Variants in RBFOX1 observed in about 807,000 individuals in gnomAD.
The protein encoded by RBFOX1 is RNA binding protein fox-1 homolog 1.
A neutral mutation model predicts 57.7 loss-of-function variants in RBFOX1; 8 were observed. The observed-to-expected ratio is 0.14, with a 90% CI of 0.08 to 0.25. The LOEUF (loss-of-function observed/expected upper bound fraction) is 0.25, where lower values mean the gene tolerates loss of function less well. Ranked by LOEUF, RBFOX1 falls within the 10% of genes least tolerant of loss-of-function variation. The probability of loss-of-function intolerance (pLI) is 1.00; values close to 1 mark genes in which losing one functional copy is unlikely to be tolerated. For synonymous variants in RBFOX1, 326 were observed against 222.4 expected (o/e 1.47, Z -4.15); for missense variants, 611 against 548.5 (o/e 1.11, Z -1.14).
At chr16:5,719,444 T>TC (rs2151529539) in intron 3 of RBFOX1, among the ~76,000 whole-genome samples, 1 of 151,644 alleles carries the variant, frequency 6.6e-6, no homozygotes, top group African/African-American at 2.4e-5. Context: ...TCTCCTGAGC[T>TC]CGCGATCCGC....
chr16:6,597,403 G>A (rs147336012), intron 2 of RBFOX1, among the ~76,000 whole-genome samples: 3 of 152,130 alleles, frequency 2.0e-5, no homozygotes, highest in Non-Finnish European at 2.9e-5. Flanking sequence ...ACCAGGCGCG[G>A]TGGCTCACAC....
At chr16:5,891,088 C>T (rs186182767) in intron 4 of RBFOX1, among the ~76,000 whole-genome samples, 50 of 152,270 alleles carry the variant, frequency 3.3e-4, no homozygotes, top group African/African-American at 1.1e-3. Context: ...ACTTGTCAAC[C>T]GTAACTGTTA....
At chr16:6,027,290 C>G (rs2095214644) in intron 1 of RBFOX1, among the ~76,000 whole-genome samples, 1 of 152,112 alleles carries the variant, frequency 6.6e-6, no homozygotes, top group African/African-American at 2.4e-5. Flanking sequence ...GGAACTGAGG[C>G]CCAGTGACTA....
chr16:7,051,055 C>A (rs1349160396), intron 3 of RBFOX1, among the ~76,000 whole-genome samples: 2 of 151,922 alleles, frequency 1.3e-5, no homozygotes, highest in Non-Finnish European at 2.9e-5. Flanking sequence ...CCTTCATATC[C>A]CTTAGTAAAA....
At chr16:5,867,638 C>T (rs544829340) in intron 4 of RBFOX1, among the ~76,000 whole-genome samples, 1 of 152,124 alleles carries the variant, frequency 6.6e-6, no homozygotes, top group Non-Finnish European at 1.5e-5. Flanking sequence ...CCAATGAGAC[C>T]TCCACTGTCT....
At chr16:6,669,378 C>T (rs2098750730) in intron 3 of RBFOX1, among the ~76,000 whole-genome samples, 1 of 152,238 alleles carries the variant, frequency 6.6e-6, no homozygotes, top group Non-Finnish European at 1.5e-5. Flanking sequence ...TTTATTTTTG[C>T]ATAAAGCCAT....
chr16:5,719,017 G>A (rs1283735404), intron 3 of RBFOX1, among the ~76,000 whole-genome samples: 1 of 151,706 alleles, frequency 6.6e-6, no homozygotes, highest in East Asian at 1.9e-4. Flanking sequence ...ATTTCTGTAA[G>A]GATTGACTGA....
intron 4 of RBFOX1, among the ~76,000 whole-genome samples, chr16:7,310,184 C>T (rs1401612180): frequency 1.3e-5 from 2 of 152,150 alleles, no homozygotes; most frequent in African/African-American, 2.4e-5. Flanking sequence ...GCAATGGACC[C>T]GCAGGCCGCC....
chr16:6,989,703 G>A (rs2091077374), intron 3 of RBFOX1, among the ~76,000 whole-genome samples: 1 of 152,034 alleles, frequency 6.6e-6, no homozygotes, highest in South Asian at 2.1e-4. Flanking sequence ...TGAAGAAATA[G>A]AAGTCCCTAA....
intron 3 of RBFOX1, among the ~76,000 whole-genome samples, chr16:6,720,020 G>T (rs2065658751): frequency 6.6e-6 from 1 of 151,938 alleles, no homozygotes; most frequent in Non-Finnish European, 1.5e-5. Flanking sequence ...CTTGAACCTG[G>T]GAGGCAGAGG....
chr16:6,852,895 A>C (rs759870671), intron 3 of RBFOX1, among the ~76,000 whole-genome samples: 1 of 152,068 alleles, frequency 6.6e-6, no homozygotes, highest in Non-Finnish European at 1.5e-5. Flanking sequence ...CTAGCTGTCC[A>C]CACAAGGTGC....
At chr16:6,608,319 T>C (rs941187655) in intron 2 of RBFOX1, among the ~76,000 whole-genome samples, 1 of 152,242 alleles carries the variant, frequency 6.6e-6, no homozygotes, top group Non-Finnish European at 1.5e-5. Context: ...GAAAAGCCTA[T>C]CTTTTGAGCC....
chr16:7,655,717 T>G (rs2066140830), intron 12 of RBFOX1, among the ~76,000 whole-genome samples: 4 of 152,026 alleles, frequency 2.6e-5, no homozygotes, highest in African/African-American at 9.7e-5. Flanking sequence ...CCACATTCGT[T>G]TGAAAATTGT....
At chr16:5,931,594 C>T (rs1390654242) in intron 4 of RBFOX1, among the ~76,000 whole-genome samples, 5 of 152,098 alleles carry the variant, frequency 3.3e-5, no homozygotes. Flanking sequence ...TCTGAAAAGA[C>T]GTTACAGACC....
At chr16:6,744,050 A>G (rs1603499820) in intron 3 of RBFOX1, among the ~76,000 whole-genome samples, 1 of 152,102 alleles carries the variant, frequency 6.6e-6, no homozygotes, top group Non-Finnish European at 1.5e-5. Context: ...TAATAAAGAT[A>G]CAGAATGTGA....
chr16:6,370,877 G>C (rs1314314377), intron 2 of RBFOX1, among the ~76,000 whole-genome samples: 1 of 152,134 alleles, frequency 6.6e-6, no homozygotes, highest in African/African-American at 2.4e-5. Context: ...AAGAGAGTGG[G>C]TCCTCAATAT....
intron 3 of RBFOX1, among the ~76,000 whole-genome samples, chr16:5,846,358 T>C (rs1158456885): frequency 4.6e-5 from 7 of 151,966 alleles, no homozygotes; most frequent in African/African-American, 1.7e-4. Context: ...GAAAGAATAA[T>C]GGGGAAAGGT....
intron 1 of RBFOX1, among the ~76,000 whole-genome samples, chr16:6,080,763 G>A (rs1412982300): frequency 1.3e-5 from 2 of 152,162 alleles, no homozygotes. Flanking sequence ...GGAAAGTGTT[G>A]TTGAGGGTTC....
chr16:7,189,239 C>A (rs2084707032), intron 4 of RBFOX1, among the ~76,000 whole-genome samples: 1 of 151,888 alleles, frequency 6.6e-6, no homozygotes, highest in Non-Finnish European at 1.5e-5. Flanking sequence ...TCCTGGCTAA[C>A]ACAGTGAAAC....
Sources: allele counts gnomAD v4.1 joint callset (sites outside exome capture counted in the v4.1 genomes callset), GRCh38; gene constraint gnomAD v4.1.1; transcripts MANE v1.5; gene names NCBI Gene and HGNC (gene_info 2026-07-23, HGNC 2026-07-21).